Variants in TIMP2 observed in about 807,000 individuals in gnomAD.
TIMP2 encodes the protein metalloproteinase inhibitor 2.
Under a neutral mutation model 24.3 loss-of-function variants are expected in TIMP2, and 5 were observed. The observed-to-expected ratio is 0.21, with a 90% CI of 0.11 to 0.43. The LOEUF (loss-of-function observed/expected upper bound fraction) is 0.43. Among genes scored for constraint, TIMP2 ranks in the 20% least tolerant of loss-of-function variants. The pLI, the probability that TIMP2 is intolerant of heterozygous loss-of-function variation, is 1.00. For missense variants in TIMP2, 221 were observed against 297.5 expected (o/e 0.74, Z 1.89); for synonymous variants, 130 against 123.2 (o/e 1.06, Z -0.37).
chr17:78,884,648 G>T (rs374410864), intron 1 of TIMP2, among the ~76,000 whole-genome samples: 1 of 152,106 alleles, frequency 6.6e-6, no homozygotes, highest in South Asian at 2.1e-4. Flanking sequence ...GTCCTGGGGG[G>T]TGTGCATCTG....
intron 1 of TIMP2, among the ~76,000 whole-genome samples, chr17:78,883,490 G>A (rs554519673): frequency 1.5e-4 from 23 of 152,304 alleles, no homozygotes; most frequent in Admixed American, 2.6e-4. Context: ...GGGAGGGTGC[G>A]GAGGAGGGTG....
intron 1 of TIMP2, among the ~76,000 whole-genome samples, chr17:78,888,870 ATAAG>A (rs1567998597): frequency 6.6e-6 from 1 of 152,212 alleles, no homozygotes; most frequent in East Asian, 1.9e-4. Context: ...CAAAATATAC[ATAAG>A]TAAGGCCATT....
intron 1 of TIMP2, among the ~76,000 whole-genome samples, chr17:78,902,494 G>A (rs2070109864): frequency 6.6e-6 from 1 of 152,200 alleles, no homozygotes; most frequent in Non-Finnish European, 1.5e-5. Context: ...GCCCACAGCA[G>A]GCTTTTCCAC....
At chr17:78,887,999 C>T (rs868579848) in intron 1 of TIMP2, among the ~76,000 whole-genome samples, 3 of 151,982 alleles carry the variant, frequency 2.0e-5, no homozygotes, top group East Asian at 1.9e-4. Flanking sequence ...GTAACCGTGC[C>T]GAGGCCAAAA....
chr17:78,864,034 A>G (rs1599146125), intron 3 of TIMP2, among the ~76,000 whole-genome samples: 2 of 152,222 alleles, frequency 1.3e-5, no homozygotes, highest in South Asian at 2.1e-4. Context: ...TCACTCGGGC[A>G]TCTCATTGTA....
chr17:78,860,523 T>G (rs1017027561), intron 3 of TIMP2, among the ~76,000 whole-genome samples: 1 of 152,200 alleles, frequency 6.6e-6, no homozygotes, highest in African/African-American at 2.4e-5. Flanking sequence ...GTGGCCTCCA[T>G]TGTCCTGGGC....
chr17:78,908,795 C>T (rs1258120172), intron 1 of TIMP2, among the ~76,000 whole-genome samples: 1 of 152,236 alleles, frequency 6.6e-6, no homozygotes. Context: ...CCTTTATTCC[C>T]TGCCCTGGAG....
At chr17:78,902,577 A>G (rs539051427) in intron 1 of TIMP2, 1 of 152,538 alleles carries the variant, frequency 6.6e-6, no homozygotes, top group African/African-American at 2.4e-5. Flanking sequence ...TCCAGGGTGG[A>G]GATGGTTGGG....
chr17:78,867,302 C>T (rs1261818198), intron 3 of TIMP2, among the ~76,000 whole-genome samples: 1 of 152,056 alleles, frequency 6.6e-6, no homozygotes, highest in African/African-American at 2.4e-5. Context: ...TTAGGAAGTC[C>T]AGAAATGCAT....
chr17:78,865,893 CAA>C (rs2069609697), intron 3 of TIMP2, among the ~76,000 whole-genome samples: 1 of 152,158 alleles, frequency 6.6e-6, no homozygotes, highest in African/African-American at 2.4e-5. Flanking sequence ...CTTTTGCACC[CAA>C]GAGTCCTTCC....
chr17:78,903,452 C>G (rs2145787249), intron 1 of TIMP2, among the ~76,000 whole-genome samples: 1 of 152,240 alleles, frequency 6.6e-6, no homozygotes, highest in Non-Finnish European at 1.5e-5. Context: ...CTTTTTGTCC[C>G]CAGCTGGCTG....
At chr17:78,871,192 C>T (rs555619250) in intron 2 of TIMP2, among the ~76,000 whole-genome samples, 186 bp from the exon 3 acceptor site, 7 of 152,280 alleles carry the variant, frequency 4.6e-5, no homozygotes, top group Non-Finnish European at 1.0e-4. Context: ...GGGCTCATGG[C>T]TGTAGTCCCA....
rs58125013 is a variant in TIMP2 at position 78,893,617 on chromosome 17, G to A, written c.131-19698C>T. On this transcript the variant is annotated intron_variant, in intron 1 of 4. Transcript: ENST00000262768. ...TATGCATGTCTGTGTGTGCCTCTGT[G>A]TGCATGTCGGTGTGTGTATGTGTAT... Among the ~76,000 whole-genome samples the A allele has an allele frequency of 2.1e-3, 321 of 152,138 alleles. 6 individuals carry two copies. The East Asian group carries it at 0.052, about 25-fold the overall frequency.
At chr17:78,895,384 G>A (rs770543140) in intron 1 of TIMP2, among the ~76,000 whole-genome samples, 54 of 152,260 alleles carry the variant, frequency 3.5e-4, no homozygotes, top group Non-Finnish European at 5.4e-4. Context: ...CATGTTCAAC[G>A]GCAGCGGTCT....
At chr17:78,871,843 C>CA (rs1163916256) in intron 2 of TIMP2, among the ~76,000 whole-genome samples, 18,557 of 122,356 alleles carry the variant, frequency 0.15, 1,835 homozygotes, top group African/African-American at 0.3. Context: ...GACTCCATCT[C>CA]AAAAAAAAAA....
intron 1 of TIMP2, among the ~76,000 whole-genome samples, chr17:78,922,751 G>A (rs1280018884): frequency 3.3e-5 from 5 of 152,150 alleles, no homozygotes; most frequent in Non-Finnish European, 5.9e-5. Context: ...CCCAGGAGGC[G>A]GAGGCTGCAG....
At chr17:78,921,032 G>A (rs545303375) in intron 1 of TIMP2, among the ~76,000 whole-genome samples, 2 of 152,268 alleles carry the variant, frequency 1.3e-5, no homozygotes, top group Non-Finnish European at 2.9e-5. Flanking sequence ...ACAACGAGTT[G>A]CCAACAGTTT....
Position 78,855,825 on chromosome 17 carries a change from GGGA to G in TIMP2, c.502_504del (p.Ser168del), listed in dbSNP as rs1261994424. 1.9e-6 allele frequency: 3 copies of G among 1,614,046 alleles called. No homozygotes were observed. Among genetic ancestry groups the G allele is most frequent in the Admixed American group, 1.7e-5 (1 of 60,006 alleles). ...CAGTCCATCCAGAGGCACTCGTCCG[GGGA>G]GGAGATGTAGCACGGGATCATGGGG... On this transcript the variant is annotated inframe_deletion, in exon 5 of 5. Transcript: ENST00000262768. The surrounding 1 kb of genome is among the most constrained non-coding windows in gnomAD (Gnocchi z 6.0).
intron 3 of TIMP2, among the ~76,000 whole-genome samples, chr17:78,867,877 G>C (rs1301310066): frequency 6.6e-6 from 1 of 152,106 alleles, no homozygotes; most frequent in African/African-American, 2.4e-5. Context: ...AGGATTACAG[G>C]CGTGAGCCAC....
Sources: gnomAD v4.1 joint callset for allele counts (sites outside exome capture counted in the v4.1 genomes callset) on GRCh38, gnomAD v4.1.1 for gene constraint, Gnocchi (gnomAD v3.1) non-coding constraint, MANE v1.5 for transcripts, NCBI Gene and HGNC (gene_info 2026-07-23, HGNC 2026-07-21) for gene names.